ZNF148: variants seen among roughly 807,000 people sequenced by gnomAD.
ZNF148 encodes zinc finger protein 148.
ZNF148 carries 7 observed loss-of-function variants against 67.7 expected under a neutral mutation model. That is an observed-to-expected ratio of 0.10 (90% CI 0.06 to 0.19). ZNF148 has a LOEUF of 0.19. Among genes scored for constraint, ZNF148 ranks in the 10% least tolerant of loss-of-function variants. The pLI is 1.00. For synonymous variants in ZNF148, 333 were observed against 330.7 expected, an observed-to-expected ratio of 1.01 and a Z score of -0.08; for missense variants, 583 against 947.1, an observed-to-expected ratio of 0.62 and a Z score of 5.05.
At chr3:125,307,685 C>T (rs1184730557) in intron 4 of ZNF148, among the ~76,000 whole-genome samples, 1 of 152,140 alleles carries the variant, frequency 6.6e-6, no homozygotes, top group Non-Finnish European at 1.5e-5. Flanking sequence ...CACTCTGTCA[C>T]CCAGGCTGGA....
chr3:125,336,458 T>C (rs971158161), intron 1 of ZNF148, among the ~76,000 whole-genome samples: 2 of 152,200 alleles, frequency 1.3e-5, no homozygotes, highest in African/African-American at 2.4e-5. Context: ...TGAATCTCTA[T>C]AGAGTGACAA....
At chr3:125,337,713 G>A (rs909134263) in intron 1 of ZNF148, among the ~76,000 whole-genome samples, 2 of 152,132 alleles carry the variant, frequency 1.3e-5, no homozygotes, top group Non-Finnish European at 2.9e-5. Flanking sequence ...AACTATCTGA[G>A]CAAGTATTAT....
At chr3:125,371,502 CA>C (rs1174228475) in intron 1 of ZNF148, among the ~76,000 whole-genome samples, 2 of 148,594 alleles carry the variant, frequency 1.3e-5, no homozygotes, top group African/African-American at 5.0e-5. Flanking sequence ...ACTAAAAACA[CA>C]AAAAAATTAG....
intron 1 of ZNF148, among the ~76,000 whole-genome samples, chr3:125,369,132 T>C (rs1942790830): frequency 6.6e-6 from 1 of 150,420 alleles, no homozygotes; most frequent in Admixed American, 6.6e-5. Flanking sequence ...TGTGCTGGTG[T>C]GTGCCTCTAG....
At chr3:125,371,658 CA>C (rs34843090) in intron 1 of ZNF148, among the ~76,000 whole-genome samples, 364 of 51,166 alleles carry the variant, frequency 7.1e-3, no homozygotes, top group Non-Finnish European at 7.0e-3. Context: ...GACTCCGTCC[CA>C]AAAAAAAAAA....
chr3:125,342,696 AAAG>A (rs781431536), intron 1 of ZNF148, among the ~76,000 whole-genome samples: 1 of 152,230 alleles, frequency 6.6e-6, no homozygotes. Context: ...TTGAAATATC[AAAG>A]AAGAAACAAC....
intron 7 of ZNF148, among the ~76,000 whole-genome samples, chr3:125,275,016 C>A (rs1183385349): frequency 6.6e-6 from 1 of 152,070 alleles, no homozygotes; most frequent in African/African-American, 2.4e-5. Context: ...ACAGTAAGAA[C>A]AGAATAATAA....
rs1217402573 is a variant in ZNF148 at position 125,263,910 on chromosome 3, C to T, written c.667+13816G>A. 2.0e-5 allele frequency among the ~76,000 whole-genome samples: 3 copies of T among 152,352 alleles called. No homozygotes were observed. In the East Asian group the frequency reaches 5.8e-4, roughly 29 times the overall value. On this transcript the variant is annotated intron_variant, in intron 7 of 8. Coordinates refer to ENST00000360647, the MANE Select transcript of ZNF148 (RefSeq NM_021964.3). Reference sequence around the variant, plus strand: ...CTAGAAATTTCAGCCCCATTCTCCTCAACCTCCAGGAAGGGAAGAAGGGCT... The same window carrying T: ...CTAGAAATTTCAGCCCCATTCTCCTTAACCTCCAGGAAGGGAAGAAGGGCT...
chr3:125,312,691 T>G (rs1940279545), intron 4 of ZNF148, among the ~76,000 whole-genome samples: 1 of 152,206 alleles, frequency 6.6e-6, no homozygotes, highest in Non-Finnish European at 1.5e-5. Flanking sequence ...AACCCAGGTT[T>G]GATATCATAG....
intron 4 of ZNF148, among the ~76,000 whole-genome samples, chr3:125,309,390 T>C (rs1940071890): frequency 6.6e-6 from 1 of 152,176 alleles, no homozygotes; most frequent in Admixed American, 6.5e-5. Context: ...TGCAAAGTTA[T>C]TATAGTTACC....
intron 3 of ZNF148, among the ~76,000 whole-genome samples, chr3:125,317,664 G>T (rs11282857): frequency 3.4e-4 from 25 of 72,584 alleles, no homozygotes; most frequent in South Asian, 2.6e-3. Context: ...TATATATATA[G>T]AGAGAGAGAG....
In ZNF148 at chr3:125,227,024, C is replaced by T. The variant is rs1384223315; in HGVS notation, c.*5317G>A. On this transcript the variant is annotated 3_prime_UTR_variant, in exon 9 of 9. Transcript: ENST00000360647. ...CTGATCCCGAGTTTGCAGTTGAGTC[C>T]TTCCCAATGATTTCTTAGGGAGTTG... is the stretch of plus-strand genomic sequence containing the variant. 1 of 152,090 alleles carries T rather than the reference C, an allele frequency of 6.6e-6. No homozygotes were observed. The highest frequency in any genetic ancestry group is 1.5e-5 in the Non-Finnish European group (1 of 68,010). The allele number at this position is 152,090 out of a possible 1,614,324, so 9.4% of individuals were successfully genotyped here. A position where few individuals can be genotyped will look rare whatever the true frequency, so the allele number is the denominator to read the frequency against.
intron 7 of ZNF148, among the ~76,000 whole-genome samples, chr3:125,235,130 A>G (rs891645070): frequency 6.6e-6 from 1 of 152,222 alleles, no homozygotes; most frequent in Admixed American, 6.5e-5. Flanking sequence ...TACCTTGAAT[A>G]ATGCTTGTTG....
intron 3 of ZNF148, among the ~76,000 whole-genome samples, chr3:125,314,482 T>C (rs1352557450): frequency 6.6e-6 from 1 of 152,320 alleles, no homozygotes; most frequent in South Asian, 2.1e-4. Context: ...CCAACTTTGA[T>C]CATAGTTTTC....
At chr3:125,330,861 T>C (rs1162948631) in intron 2 of ZNF148, among the ~76,000 whole-genome samples, 1 of 152,110 alleles carries the variant, frequency 6.6e-6, no homozygotes, top group African/African-American at 2.4e-5. Context: ...AGAGGATCAT[T>C]TGCCTTCCTA....
At chr3:125,363,893 C>T (rs1211762393) in intron 1 of ZNF148, among the ~76,000 whole-genome samples, 1 of 152,138 alleles carries the variant, frequency 6.6e-6, no homozygotes, top group Non-Finnish European at 1.5e-5. Flanking sequence ...AAGCAATCTG[C>T]CTGCCTCAGC....
chr3:125,320,621 T>G (rs1259204793), intron 3 of ZNF148, among the ~76,000 whole-genome samples: 6 of 152,204 alleles, frequency 3.9e-5, no homozygotes, highest in Non-Finnish European at 8.8e-5. Flanking sequence ...CATCGTCTTT[T>G]GTATAAAAAG....
At chr3:125,318,553 A>G (rs984166243) in intron 3 of ZNF148, among the ~76,000 whole-genome samples, 1 of 152,192 alleles carries the variant, frequency 6.6e-6, no homozygotes. Context: ...CCTCTATCCA[A>G]CTGGAAAGAA....
chr3:125,262,499 A>T (rs183513808), intron 7 of ZNF148, among the ~76,000 whole-genome samples: 1 of 152,218 alleles, frequency 6.6e-6, no homozygotes, highest in African/African-American at 2.4e-5. Flanking sequence ...TTGTGATTCA[A>T]TATTAGGTGC....
Sources: allele counts gnomAD v4.1 joint callset (sites outside exome capture counted in the v4.1 genomes callset), GRCh38; gene constraint gnomAD v4.1.1; transcripts MANE v1.5; gene names NCBI Gene and HGNC (gene_info 2026-07-23, HGNC 2026-07-21).